The following ZCCHC7 variants were observed in gnomAD, a reference collection of about 807,000 sequenced individuals.
The protein encoded by ZCCHC7 is zinc finger CCHC-type containing 7, also known as zinc finger CCHC domain-containing protein 7.
Under a neutral mutation model 52.0 loss-of-function variants are expected in ZCCHC7, and 35 were observed. The observed-to-expected ratio is 0.67, with a 90% CI of 0.51 to 0.89. The LOEUF is 0.89. ZCCHC7 is among the 40% of genes least tolerant of loss of function. ZCCHC7 has a pLI of 0.00. For missense variants in ZCCHC7, 574 were observed against 649.1 expected (o/e 0.88, Z 1.26); for synonymous variants, 217 against 221.5 (o/e 0.98, Z 0.18).
At chr9:37,321,240 G>T (rs189101540) in intron 5 of ZCCHC7, among the ~76,000 whole-genome samples, 2 of 151,614 alleles carry the variant, frequency 1.3e-5, no homozygotes, top group Admixed American at 6.6e-5. Flanking sequence ...CACCCACCTC[G>T]GCCTCCCAAA....
chr9:37,336,099 C>A (rs764644823), intron 6 of ZCCHC7, among the ~76,000 whole-genome samples: 1 of 152,068 alleles, frequency 6.6e-6, no homozygotes, highest in Non-Finnish European at 1.5e-5. Flanking sequence ...AGAAATGAAA[C>A]AAAATAGCAT....
At chr9:37,202,404 GAATTGTTTGTTTT>G (rs1421025318) in intron 2 of ZCCHC7, among the ~76,000 whole-genome samples, 2 of 152,170 alleles carry the variant, frequency 1.3e-5, no homozygotes, top group African/African-American at 2.4e-5. Flanking sequence ...GAAACATAAT[GAATTGTTTGTTTT>G]AATTGTTTGT....
At chr9:37,196,757 T>C (rs1257528501) in intron 2 of ZCCHC7, among the ~76,000 whole-genome samples, 1 of 152,178 alleles carries the variant, frequency 6.6e-6, no homozygotes, top group African/African-American at 2.4e-5. Flanking sequence ...TAAAAAGCTT[T>C]CTGTTTAATA....
At chr9:37,186,854 TACTCTGTAACCTA>T in intron 2 of ZCCHC7, 2 of 366,506 alleles carry the variant, frequency 5.5e-6, no homozygotes, top group Non-Finnish European at 1.1e-5. Context: ...AATTTGCACC[TACTCTGTAACCTA>T]ACTGCGATTT....
At chr9:37,289,654 G>A (rs1828436050) in intron 2 of ZCCHC7, among the ~76,000 whole-genome samples, 1 of 152,028 alleles carries the variant, frequency 6.6e-6, no homozygotes, top group Admixed American at 6.6e-5. Context: ...CTTCTCAGTG[G>A]AGTGATTCTT....
chr9:37,238,668 A>G (rs1825754814), intron 2 of ZCCHC7, among the ~76,000 whole-genome samples: 1 of 152,074 alleles, frequency 6.6e-6, no homozygotes, highest in Non-Finnish European at 1.5e-5. Flanking sequence ...TTATTTTGCT[A>G]TTATTCAGGA....
chr9:37,201,135 T>A (rs538947164), intron 2 of ZCCHC7, among the ~76,000 whole-genome samples: 2 of 152,358 alleles, frequency 1.3e-5, no homozygotes, highest in South Asian at 2.1e-4. Flanking sequence ...TAGTTTAATT[T>A]ATTTATTTTA....
At chr9:37,229,840 C>T (rs1825313019) in intron 2 of ZCCHC7, among the ~76,000 whole-genome samples, 1 of 152,198 alleles carries the variant, frequency 6.6e-6, no homozygotes, top group African/African-American at 2.4e-5. Flanking sequence ...CTATAATACT[C>T]AGCATAAAAT....
intron 5 of ZCCHC7, among the ~76,000 whole-genome samples, chr9:37,308,910 G>T (rs1482503799): frequency 6.6e-6 from 1 of 151,540 alleles, no homozygotes; most frequent in South Asian, 2.1e-4. Context: ...GAACCTGGGA[G>T]GCAGAGGTTG....
chr9:37,277,842 A>C (rs1827752921), intron 2 of ZCCHC7, among the ~76,000 whole-genome samples: 1 of 152,212 alleles, frequency 6.6e-6, no homozygotes, highest in African/African-American at 2.4e-5. Context: ...AATGGAATCC[A>C]TAGCCTCTAA....
chr9:37,199,365 CTT>C (rs1387916930), intron 2 of ZCCHC7, among the ~76,000 whole-genome samples: 1 of 129,406 alleles, frequency 7.7e-6, no homozygotes, highest in Non-Finnish European at 1.6e-5. Context: ...GAGCTTCACT[CTT>C]GTTGCCCAGG....
At chr9:37,152,712 A>G (rs991467475) in intron 2 of ZCCHC7, among the ~76,000 whole-genome samples, 1 of 152,248 alleles carries the variant, frequency 6.6e-6, no homozygotes, top group Non-Finnish European at 1.5e-5. Flanking sequence ...ATAAAATGCT[A>G]TCAGCATGAT....
intron 6 of ZCCHC7, chr9:37,333,747 T>A (rs1176862533): frequency 6.6e-6 from 1 of 151,856 alleles, no homozygotes; most frequent in African/African-American, 2.4e-5. Flanking sequence ...TAAATTTCAT[T>A]TCTAAGTGCT....
At chr9:37,292,426 T>G (rs763272467) in intron 2 of ZCCHC7, among the ~76,000 whole-genome samples, 3 of 152,162 alleles carry the variant, frequency 2.0e-5, no homozygotes, top group Non-Finnish European at 4.4e-5. Context: ...AAACTGCTAT[T>G]AAATTCAGAA....
At chr9:37,166,282 G>C (rs1821414804) in intron 2 of ZCCHC7, among the ~76,000 whole-genome samples, 2 of 152,098 alleles carry the variant, frequency 1.3e-5, no homozygotes, top group South Asian at 4.2e-4. Flanking sequence ...TGTAGTCCCA[G>C]GTACTCGGGA....
At chr9:37,151,485 C>A (rs554229628) in intron 2 of ZCCHC7, among the ~76,000 whole-genome samples, 12 of 152,162 alleles carry the variant, frequency 7.9e-5, no homozygotes, top group African/African-American at 2.2e-4. Context: ...ATTATAAAAT[C>A]ATCTTCATAT....
intron 2 of ZCCHC7, among the ~76,000 whole-genome samples, chr9:37,139,551 A>G (rs1320621972): frequency 2.0e-5 from 3 of 152,146 alleles, no homozygotes; most frequent in South Asian, 2.1e-4. Flanking sequence ...TTTTATTTCT[A>G]TAACAAATTC....
intron 2 of ZCCHC7, among the ~76,000 whole-genome samples, chr9:37,267,695 G>T (rs578206132): frequency 6.8e-6 from 1 of 148,082 alleles, no homozygotes; most frequent in African/African-American, 2.5e-5. Context: ...TCAGCCTCCC[G>T]AGTAGCTGGG....
rs755449266 is a variant in ZCCHC7, at chr9:37,126,375, GATCTTT to G, written c.47_52del (p.Leu16_Tyr17del). 1.9e-6 allele frequency: 3 copies of G among 1,614,012 alleles called. No individual in the cohort carries two copies. In the South Asian group the frequency reaches 3.3e-5, roughly 18 times the overall value. ...TGAGACTATAGAAGCATACGAAGAT[GATCTTT>G]ATCGAGATGAGTCATCTAGTGAACT... On this transcript the variant is annotated inframe_deletion, in exon 2 of 9. Coordinates refer to ENST00000336755, the MANE Select transcript of ZCCHC7 (RefSeq NM_032226.3).
Sources: allele counts gnomAD v4.1 joint callset (sites outside exome capture counted in the v4.1 genomes callset), GRCh38; gene constraint gnomAD v4.1.1; transcripts MANE v1.5; gene names NCBI Gene and HGNC (gene_info 2026-07-23, HGNC 2026-07-21).